The following PALM2AKAP2 variants were observed in gnomAD, a reference collection of about 807,000 sequenced individuals.
PALM2AKAP2 encodes PALM2-AKAP2 fusion protein.
A neutral mutation model predicts 71.5 loss-of-function variants in PALM2AKAP2; 37 were observed. The ratio of observed to expected loss-of-function variants is 0.52; its 90% CI spans 0.40 to 0.68. The LOEUF (loss-of-function observed/expected upper bound fraction) is 0.68. Among genes scored for constraint, PALM2AKAP2 ranks in the 30% least tolerant of loss-of-function variants. The pLI, the probability that PALM2AKAP2 is intolerant of heterozygous loss-of-function variation, is 0.00. For synonymous variants in PALM2AKAP2, 468 were observed against 478.8 expected, an observed-to-expected ratio of 0.98 and a Z score of 0.29; for missense variants, 1,224 against 1,191.8, an observed-to-expected ratio of 1.03 and a Z score of -0.40.
At chr9:110,068,900 A>G (rs1212962137) in intron 1 of PALM2AKAP2, among the ~76,000 whole-genome samples, 2 of 152,232 alleles carry the variant, frequency 1.3e-5, no homozygotes, top group South Asian at 4.1e-4. Context: ...GGTGCCAGAG[A>G]TAATTAGCCC....
At chr9:110,083,292 G>C (rs972916516) in intron 1 of PALM2AKAP2, among the ~76,000 whole-genome samples, 1 of 152,042 alleles carries the variant, frequency 6.6e-6, no homozygotes, top group Non-Finnish European at 1.5e-5. Context: ...TTGTCCTTCT[G>C]TACTAACTTA....
chr9:110,009,763 C>T (rs1290192666), intron 6 of PALM2AKAP2, among the ~76,000 whole-genome samples: 3 of 151,178 alleles, frequency 2.0e-5, no homozygotes, highest in Non-Finnish European at 4.4e-5. Context: ...ACAGGGTACT[C>T]TACTCAAACC....
At chr9:109,672,086 G>T (rs183290043) in intron 1 of PALM2AKAP2, among the ~76,000 whole-genome samples, 229 of 152,206 alleles carry the variant, frequency 1.5e-3, no homozygotes, top group African/African-American at 5.3e-3. Flanking sequence ...CTATATGGAT[G>T]CTCTTTATTT....
chr9:110,063,646 G>A (rs552403690), intron 1 of PALM2AKAP2, among the ~76,000 whole-genome samples: 14 of 151,844 alleles, frequency 9.2e-5, no homozygotes, highest in South Asian at 2.1e-4. Flanking sequence ...ATTTCACCAC[G>A]TTGGCCAGGC....
chr9:110,025,543 G>A (rs1347613748), intron 7 of PALM2AKAP2, among the ~76,000 whole-genome samples: 1 of 152,026 alleles, frequency 6.6e-6, no homozygotes, highest in Non-Finnish European at 1.5e-5. Flanking sequence ...CCTTTGTCTT[G>A]GGATTGTACC....
chr9:110,156,388 C>G (rs1378932056), exon 3 of PALM2AKAP2: 1 of 1,612,572 alleles, frequency 6.2e-7, no homozygotes. Context: ...CCTGACTTAG[C>G]CCCTGAAGAG....
At position 110,101,677 on chromosome 9, in the gene PALM2AKAP2, C is replaced by T. The variant is rs75114994; in HGVS notation, c.157-34450C>T. ...GGGCAGCTGTTGCTGTCATTTCCCA[C>T]GGCCTCTCTGGAGGGGAAACACAGC... On this transcript the variant is annotated intron_variant, in intron 1 of 3. Transcript: ENST00000374525. Among the ~76,000 whole-genome samples the T allele has an allele frequency of 1.8e-3, 276 of 152,280 alleles. 4 individuals are homozygous for T. The East Asian group carries it at 0.033, about 18-fold the overall frequency.
chr9:109,655,859 C>T (rs1827297493), intron 1 of PALM2AKAP2, among the ~76,000 whole-genome samples: 1 of 151,972 alleles, frequency 6.6e-6, no homozygotes. Flanking sequence ...GGGTTGTTTC[C>T]CCCTTTTGGG....
At chr9:110,012,052 T>C (rs150427760) in intron 6 of PALM2AKAP2, among the ~76,000 whole-genome samples, 1,560 of 152,320 alleles carry the variant, frequency 0.01, 25 homozygotes, top group African/African-American at 0.036. Context: ...CCCAACACTT[T>C]GGGAGACTGA....
chr9:109,699,394 A>C (rs753011864), intron 1 of PALM2AKAP2, among the ~76,000 whole-genome samples: 4 of 152,234 alleles, frequency 2.6e-5, no homozygotes, highest in Middle Eastern at 3.2e-3. Flanking sequence ...TCAGAATTTT[A>C]TATTGAGGGA....
intron 1 of PALM2AKAP2, among the ~76,000 whole-genome samples, chr9:109,814,517 A>G (rs1457082855): frequency 6.6e-6 from 1 of 152,170 alleles, no homozygotes; most frequent in Non-Finnish European, 1.5e-5. Context: ...CACTGGGAGA[A>G]TCCATTCATT....
intron 1 of PALM2AKAP2, among the ~76,000 whole-genome samples, chr9:110,064,846 T>G (rs1564286502): frequency 6.6e-6 from 1 of 152,222 alleles, no homozygotes; most frequent in Non-Finnish European, 1.5e-5. Flanking sequence ...GGACTTGTCT[T>G]CTGGCATTGC....
chr9:109,696,258 C>T (rs1209266682), intron 1 of PALM2AKAP2, among the ~76,000 whole-genome samples: 1 of 152,002 alleles, frequency 6.6e-6, no homozygotes, highest in Non-Finnish European at 1.5e-5. Flanking sequence ...GAAAAAAAAG[C>T]CCAGTAGCCA....
chr9:109,703,518 C>T (rs1828095978), intron 1 of PALM2AKAP2, among the ~76,000 whole-genome samples: 1 of 151,912 alleles, frequency 6.6e-6, no homozygotes, highest in Non-Finnish European at 1.5e-5. Flanking sequence ...AAATTTTTGG[C>T]AAGTTTCACA....
chr9:109,761,993 T>A (rs1829061436), intron 1 of PALM2AKAP2, among the ~76,000 whole-genome samples: 1 of 152,262 alleles, frequency 6.6e-6, no homozygotes, highest in Non-Finnish European at 1.5e-5. Context: ...TGAGATACCA[T>A]CTCATGCCAG....
intron 1 of PALM2AKAP2, among the ~76,000 whole-genome samples, chr9:109,826,202 C>T (rs546942180): frequency 2.9e-5 from 3 of 104,858 alleles, no homozygotes; most frequent in South Asian, 3.5e-4. Flanking sequence ...CATCACACAC[C>T]GGGGCCTGTT....
chr9:109,653,298 G>T (rs774932134), intron 1 of PALM2AKAP2, among the ~76,000 whole-genome samples: 1 of 152,110 alleles, frequency 6.6e-6, no homozygotes, highest in African/African-American at 2.4e-5. Flanking sequence ...CAAACAAAAC[G>T]ATATGAAGAT....
At chr9:109,755,938 CATG>C (rs1828957210) in intron 1 of PALM2AKAP2, among the ~76,000 whole-genome samples, 1 of 151,990 alleles carries the variant, frequency 6.6e-6, no homozygotes, top group African/African-American at 2.4e-5. Flanking sequence ...AGAGATGTAC[CATG>C]ATAAGCATGC....
intron 3 of PALM2AKAP2, among the ~76,000 whole-genome samples, chr9:109,905,646 G>A (rs146970491): frequency 3.3e-5 from 5 of 152,288 alleles, no homozygotes; most frequent in Non-Finnish European, 5.9e-5. Flanking sequence ...TCCTTCAGTC[G>A]GCTACCCCAA....
Sources: allele counts gnomAD v4.1 joint callset (sites outside exome capture counted in the v4.1 genomes callset), GRCh38; gene constraint gnomAD v4.1.1; transcripts MANE v1.5; gene names NCBI Gene and HGNC (gene_info 2026-07-23, HGNC 2026-07-21).